The following INSRR variants were observed in gnomAD, a reference collection of about 807,000 sequenced individuals.
INSRR encodes insulin receptor related receptor.
A neutral mutation model predicts 130.0 loss-of-function variants in INSRR; 114 were observed. The ratio of observed to expected loss-of-function variants is 0.88; its 90% confidence interval spans 0.75 to 1.02. The LOEUF (loss-of-function observed/expected upper bound fraction) is 1.02, where lower values mean the gene tolerates loss of function less well. INSRR is among the 50% of genes least tolerant of loss of function. INSRR has a pLI of 0.00. For synonymous variants in INSRR, 674 were observed against 705.2 expected (o/e 0.96, Z 0.70); for missense variants, 1,657 against 1,735.2 (o/e 0.95, Z 0.80).
rs1654838026 is a variant in INSRR, at chr1:156,842,490, C to T, written c.3145G>A (p.Val1049Ile). The T allele has an allele frequency of 6.2e-7, 1 of 1,614,036 alleles. No homozygotes were observed. Among genetic ancestry groups the T allele is most frequent in the East Asian group, 2.2e-5 (1 of 44,872 alleles). ...ACCAGAGTTGGCTGGCCCTGAGATACCACACCCAGGAGACGCACCTGGGAC... is the reference window on the plus strand; with the variant it reads ...ACCAGAGTTGGCTGGCCCTGAGATATCACACCCAGGAGACGCACCTGGGAC... Reference protein sequence around the residue: ...CHHVVRLLGVVSQGQPTLVIM... With the variant: ...CHHVVRLLGVISQGQPTLVIM... Residue 1049 changes from valine (V) to isoleucine (I), a missense_variant, in exon 18 of 22, where the codon GTA (valine) becomes ATA (isoleucine). Val to Ile is a conservative substitution (Grantham distance 29). Transcript: ENST00000368195.
intron 7 of INSRR, 142 bp from the exon 8 acceptor site, chr1:156,846,899 C>T (rs1655035175): frequency 2.1e-5 from 14 of 682,360 alleles, no homozygotes; most frequent in Non-Finnish European, 5.1e-6. Context: ...CCTGTTAGAC[C>T]TTGGCAAGGG....
Position 156,841,694 on chromosome 1 carries a change from A to G in INSRR, c.3498T>C (p.Asp1166=). 1 of 1,613,994 alleles carries G rather than the reference A, an allele frequency of 6.2e-7. No homozygotes were observed. Among genetic ancestry groups the G allele is most frequent in the Non-Finnish European group, 8.5e-7 (1 of 1,179,952 alleles). Reference sequence around the variant, plus strand: ...CATCCGAGTGGGTGGTGAAGATCCCATCTTTGAGGGACTCGGGGGCCATCC... The same window carrying G: ...CATCCGAGTGGGTGGTGAAGATCCCGTCTTTGAGGGACTCGGGGGCCATCC... The part of the protein sequence containing the change: ...VRWMAPESLK[D]GIFTTHSDVW... Residue 1166 remains aspartate (D), a synonymous_variant, in exon 20 of 22, where the codon GAT becomes GAC. Transcript: ENST00000368195.
At position 156,844,748 on chromosome 1, in the gene INSRR, G is replaced by T; in HGVS notation, c.2533C>A (p.Leu845Ile). ...TACTTGATTTCGTACTTGAGGATGA[G>T]TCCGTTGGGGTCTGGTGGCTCGAGC... ...RWLEPPDPNG[L>I]ILKYEIKYRR... The change falls in exon 13 of 22, where the codon CTC becomes ATC. Residue 845 changes from leucine to isoleucine, a missense_variant. Leu to Ile is a conservative substitution (Grantham distance 5). Coordinates refer to ENST00000368195, the MANE Select transcript of INSRR (RefSeq NM_014215.3). The T allele has an allele frequency of 2.5e-6, 4 of 1,614,174 alleles. No homozygotes were observed. The highest frequency in any genetic ancestry group is 3.4e-6 in the Non-Finnish European group (4 of 1,180,040).
intron 14 of INSRR, 60 bp downstream of exon 14, chr1:156,844,402 G>A: frequency 1.9e-6 from 3 of 1,584,344 alleles, no homozygotes; most frequent in Non-Finnish European, 2.6e-6. Flanking sequence ...GGCCTGTGGT[G>A]GGCTGGGGAC....
rs1383318201 is a variant in INSRR, at chr1:156,858,658, C to T, written c.-37G>A. The T allele has an allele frequency of 1.3e-6, 2 of 1,561,256 alleles. No individual in the cohort carries two copies. The highest frequency in any genetic ancestry group is 8.8e-7 in the Non-Finnish European group (1 of 1,131,914). Reference sequence around the variant, plus strand: ...TGGCTTGTGTCCAGTCCCGGCTCTCCTCCCGGTGACTCTGGGGAGAACGGT... The same window carrying T: ...TGGCTTGTGTCCAGTCCCGGCTCTCTTCCCGGTGACTCTGGGGAGAACGGT... On this transcript the variant is annotated 5_prime_UTR_variant, in exon 1 of 22. Transcript: ENST00000368195.
Position 156,854,845 on chromosome 1 carries a change from A to G in INSRR, c.86-542T>C, listed in dbSNP as rs1469724524. On this transcript the variant is annotated intron_variant, in intron 1 of 21. Transcript: ENST00000368195. The surrounding 1 kb of genome is among the most constrained non-coding windows in gnomAD (Gnocchi z 4.2). The stretch of plus-strand genomic sequence containing the variant: ...TGCAGCCAGAGTGATCTCAAAACAC[A>G]GATGGATCACGTTTCTCCTCTGCTT... Among the ~76,000 whole-genome samples, 1 of 152,088 alleles carries G rather than the reference A, an allele frequency of 6.6e-6. No individual in the cohort carries two copies. The highest frequency in any genetic ancestry group is 1.5e-5 in the Non-Finnish European group (1 of 68,016).
Position 156,854,493 on chromosome 1 carries a change from A to T in INSRR, c.86-190T>A, listed in dbSNP as rs1456200172. ...ACCTGCAGCCTGCAGGGTCTCTACCAGATGAGCCACACAGGCAAAAATGAA... is the reference window on the plus strand; with the variant it reads ...ACCTGCAGCCTGCAGGGTCTCTACCTGATGAGCCACACAGGCAAAAATGAA... On this transcript the variant is annotated intron_variant, in intron 1 of 21. Transcript: ENST00000368195. This position sits in a 1 kb window ranked among gnomAD's most constrained non-coding sequence, Gnocchi z 4.2. Among the ~76,000 whole-genome samples the T allele has an allele frequency of 6.6e-6, 1 of 152,106 alleles. No individual in the cohort carries two copies. The highest frequency in any genetic ancestry group is 1.5e-5 in the Non-Finnish European group (1 of 68,016).
intron 7 of INSRR, among the ~76,000 whole-genome samples, chr1:156,847,867 CTT>C (rs947377079): frequency 6.6e-6 from 1 of 152,194 alleles, no homozygotes; most frequent in African/African-American, 2.4e-5. Context: ...GTTCTCTGCT[CTT>C]TGAGCCCAGA....
At chr1:156,843,325 G>T (rs992318044) in intron 16 of INSRR, 92 bp from the exon 17 acceptor site, 2 of 1,563,806 alleles carry the variant, frequency 1.3e-6, no homozygotes, top group African/African-American at 1.4e-5. Flanking sequence ...AAGGGCTCTT[G>T]TCCCAAGGCT....
chr1:156,844,225 G>A lies in INSRR; in HGVS notation c.2793C>T (p.Leu931=). Residue 931 remains leucine, a synonymous_variant, in exon 15 of 22, where the codon CTC becomes CTT. Transcript: ENST00000368195. ...HVLLTATPVG[L]TLLIVLAALG... The stretch of plus-strand genomic sequence containing the variant: ...GGGCAGCAAGAACGATGAGCAGCGT[G>A]AGCCCCACAGGGGTGGCAGTGAGGA... The A allele has an allele frequency of 2.5e-6, 4 of 1,613,952 alleles. No individual in the cohort carries two copies. Among genetic ancestry groups the A allele is most frequent in the African/African-American group, 1.3e-5 (1 of 75,036 alleles).
chr1:156,849,513 G>GGGGGGTGGGGGGGGGC, intron 5 of INSRR, 53 bp from the exon 6 acceptor site: 1 of 486,122 alleles, frequency 2.1e-6, no homozygotes, highest in Admixed American at 2.2e-5. Context: ...CAGGGGGTGG[G>GGGGGGTGGGGGGGGGC]AAAGGGGATG....
Position 156,840,722 on chromosome 1 carries a change from C to A in INSRR, c.*151G>T, listed in dbSNP as rs1168640290. 3.0e-6 allele frequency: 2 copies of A among 660,984 alleles called. No homozygotes were observed. The highest frequency in any genetic ancestry group is 5.4e-6 in the Non-Finnish European group (2 of 372,382). 40.9% of individuals were successfully genotyped at this position (660,984 alleles called of 1,614,324 possible). ...TATGGTGAGACCCCTCTGCCCACCC[C>A]CACAGCCTTCCCTGCTCCTGTTCTC... On this transcript the variant is annotated 3_prime_UTR_variant, in exon 22 of 22. Transcript: ENST00000368195.
In INSRR at chr1:156,851,865, C is replaced by G; in HGVS notation, c.941+23G>C. The G allele has an allele frequency of 1.9e-6, 3 of 1,572,618 alleles. No homozygotes were observed. The South Asian group carries it at 3.6e-5, about 19-fold the overall frequency. ...AGGCCTCCTCACTGCTCCCAGGGTGCCCCCCACCCTCCCTACACTCACCTG... is the reference window on the plus strand; with the variant it reads ...AGGCCTCCTCACTGCTCCCAGGGTGGCCCCCACCCTCCCTACACTCACCTG... On this transcript the variant is annotated intron_variant, in intron 3 of 21. Transcript: ENST00000368195.
intron 8 of INSRR, 90 bp from the exon 9 acceptor site, chr1:156,846,209 G>C: frequency 2.2e-6 from 3 of 1,340,878 alleles, no homozygotes; most frequent in South Asian, 1.5e-5. Flanking sequence ...GGGTCCAACA[G>C]CCTTGTTCTC....
At chr1:156,849,131 G>C (rs891738140) in intron 6 of INSRR, 84 bp from the exon 7 acceptor site, 5 of 1,597,424 alleles carry the variant, frequency 3.1e-6, no homozygotes, top group Non-Finnish European at 3.4e-6. Context: ...CCCATTCCCA[G>C]TGAGACCTCT....
rs1053687664 is a variant in INSRR, at chr1:156,852,109, T to G, written c.720A>C (p.Pro240=). 1.9e-6 allele frequency: 3 copies of G among 1,613,666 alleles called. No individual in the cohort carries two copies. The highest frequency in any genetic ancestry group is 2.5e-6 in the Non-Finnish European group (3 of 1,179,948). ...AAGCTACACAGGCACGAGGGTCTTC[T>G]GGCTGGCTGCAGCCCCCCAGGCATT... ...HTECLGGCSQ[P]EDPRACVACR... Residue 240 remains proline, a synonymous_variant, in exon 3 of 22, where the codon CCA becomes CCC. Coordinates refer to ENST00000368195, the MANE Select transcript of INSRR (RefSeq NM_014215.3).
At chr1:156,850,530 C>CTTTTTTTTTTTTTTT (rs1558089282) in intron 5 of INSRR, among the ~76,000 whole-genome samples, 1 of 107,150 alleles carries the variant, frequency 9.3e-6, no homozygotes, top group African/African-American at 3.9e-5. Context: ...TAATTTAAAA[C>CTTTTTTTTTTTTTTT]ATTCTTTTTT....
rs575579682 is a variant in INSRR at position 156,845,974 on chromosome 1, G to A, written c.1956C>T (p.Tyr652=). The A allele has an allele frequency of 6.2e-7, 1 of 1,613,168 alleles. No individual in the cohort carries two copies. Among genetic ancestry groups the A allele is most frequent in the Admixed American group, 1.7e-5 (1 of 59,932 alleles). The change falls in exon 9 of 22, where the codon TAC becomes TAT. Residue 652 remains tyrosine (Y), a synonymous_variant. Transcript: ENST00000368195. ...WQRLAEDGDL[Y]LNDYCHRGLR... The stretch of plus-strand genomic sequence containing the variant: ...CACCGCGGTGGCAGTAGTCATTGAG[G>A]TAGAGGTCGCCGTCCTCTGCCAGCC...
intron 7 of INSRR, among the ~76,000 whole-genome samples, chr1:156,847,500 T>G (rs1655053138): frequency 6.6e-6 from 1 of 152,076 alleles, no homozygotes; most frequent in Non-Finnish European, 1.5e-5. Flanking sequence ...CACATTGATG[T>G]TCATGATAAT....
Sources: allele counts gnomAD v4.1 joint callset (sites outside exome capture counted in the v4.1 genomes callset), GRCh38; gene constraint gnomAD v4.1.1; non-coding constraint Gnocchi (gnomAD v3.1); transcripts MANE v1.5; gene names NCBI Gene and HGNC (gene_info 2026-07-23, HGNC 2026-07-21).